USP32: variants seen among roughly 807,000 people sequenced by gnomAD.
The protein encoded by USP32 is ubiquitin carboxyl-terminal hydrolase 32.
USP32 carries 59 observed loss-of-function variants against 204.8 expected under a neutral mutation model. The ratio of observed to expected loss-of-function variants is 0.29; its 90% CI spans 0.23 to 0.36. The LOEUF is 0.36. USP32 is among the 10% of genes least tolerant of loss of function. The pLI is 1.00. For missense variants in USP32, 1,160 were observed against 1,946.4 expected, an observed-to-expected ratio of 0.60 and a Z score of 7.60; for synonymous variants, 517 against 678.4, an observed-to-expected ratio of 0.76 and a Z score of 3.70.
At chr17:60,200,198 CA>C (rs1006878151) in intron 26 of USP32, among the ~76,000 whole-genome samples, 12 of 140,148 alleles carry the variant, frequency 8.6e-5, no homozygotes, top group African/African-American at 1.0e-4. Flanking sequence ...CTGTCTCAAC[CA>C]AAAAAAAAAG....
At chr17:60,383,589 T>A (rs1396912023) in intron 1 of USP32, among the ~76,000 whole-genome samples, 1 of 152,186 alleles carries the variant, frequency 6.6e-6, no homozygotes, top group Non-Finnish European at 1.5e-5. Flanking sequence ...TACCACTTCA[T>A]ATGAGGTGAT....
intron 1 of USP32, among the ~76,000 whole-genome samples, chr17:60,355,324 T>C (rs140298337): frequency 9.9e-4 from 151 of 152,308 alleles, no homozygotes; most frequent in Non-Finnish European, 1.9e-3. Context: ...TCATAGGTGA[T>C]AGAAATGTTC....
At chr17:60,215,237 G>A (rs1048524760) in intron 16 of USP32, among the ~76,000 whole-genome samples, 7 of 152,196 alleles carry the variant, frequency 4.6e-5, no homozygotes, top group African/African-American at 1.7e-4. Context: ...TTCCCAAAGT[G>A]CTGGGATTAC....
rs201455332 is a variant in USP32, at chr17:60,279,852, T to TTAATAA, written c.572-8377_572-8372dup. Among the ~76,000 whole-genome samples the TTAATAA allele has an allele frequency of 8.4e-4, 123 of 145,638 alleles. 1 individual carries two copies. Among genetic ancestry groups the TTAATAA allele is most frequent in the African/African-American group, 2.7e-3 (110 of 40,392 alleles). On this transcript the variant is annotated intron_variant, in intron 5 of 33. Transcript: ENST00000300896. ...AGCCTGTCTCAAATAATAATAATAATTAATAATAATAATAATAATAATAAA... is the reference window on the plus strand; with the variant it reads ...AGCCTGTCTCAAATAATAATAATAATTAATAATAATAATAATAATAATAATAATAAA...
At chr17:60,214,556 T>C in intron 17 of USP32, 64 bp downstream of exon 17, 2 of 1,527,294 alleles carry the variant, frequency 1.3e-6, no homozygotes, top group Non-Finnish European at 1.8e-6. Flanking sequence ...CAAATTTCTT[T>C]TACTATTTAA....
chr17:60,330,557 T>C (rs1030157083), intron 2 of USP32, among the ~76,000 whole-genome samples: 2 of 151,234 alleles, frequency 1.3e-5, no homozygotes, highest in East Asian at 1.9e-4. Context: ...CTCTCTCTCT[T>C]TTTTTTAAAG....
chr17:60,265,892 A>C (rs1567813930), intron 8 of USP32, 84 bp downstream of exon 8: 3 of 1,079,132 alleles, frequency 2.8e-6, no homozygotes, highest in East Asian at 4.8e-5. Context: ...GTAACAAATT[A>C]TTTTATGCTT....
At chr17:60,399,005 A>G (rs879368464) in intron 1 of USP32, among the ~76,000 whole-genome samples, 3 of 151,976 alleles carry the variant, frequency 2.0e-5, no homozygotes, top group Non-Finnish European at 2.9e-5. Context: ...AAAAAGAAAA[A>G]TCTCTAGAAA....
At chr17:60,369,423 T>TAAA (rs11348474) in intron 1 of USP32, among the ~76,000 whole-genome samples, 1,180 of 85,096 alleles carry the variant, frequency 0.014, 27 homozygotes, top group African/African-American at 0.042. Flanking sequence ...GACCCCTACC[T>TAAA]AAAAAAAAAA....
At chr17:60,246,373 TA>T (rs1428572456) in intron 11 of USP32, among the ~76,000 whole-genome samples, 8 of 152,050 alleles carry the variant, frequency 5.3e-5, no homozygotes, top group African/African-American at 1.9e-4. Flanking sequence ...TATGGCTGAA[TA>T]ACATTTTATT....
At chr17:60,315,466 C>G (rs922663861) in intron 2 of USP32, among the ~76,000 whole-genome samples, 1 of 152,110 alleles carries the variant, frequency 6.6e-6, no homozygotes, top group Non-Finnish European at 1.5e-5. Flanking sequence ...AAAACCCCTG[C>G]AACATCTATA....
At chr17:60,421,432 C>T (rs1184394673) in intron 1 of USP32, 5 of 985,578 alleles carry the variant, frequency 5.1e-6, no homozygotes, top group Non-Finnish European at 6.0e-6. Flanking sequence ...AGGGGAGGCC[C>T]GGGCCGACGG....
intron 29 of USP32, among the ~76,000 whole-genome samples, chr17:60,190,279 C>T (rs951399919): frequency 6.6e-6 from 1 of 152,142 alleles, no homozygotes; most frequent in Non-Finnish European, 1.5e-5. Flanking sequence ...GGCTGCCGAA[C>T]AGTAAGCTAA....
chr17:60,241,585 A>G (rs1172470559), intron 11 of USP32, among the ~76,000 whole-genome samples: 1 of 152,148 alleles, frequency 6.6e-6, no homozygotes, highest in African/African-American at 2.4e-5. Flanking sequence ...TACCCACTAC[A>G]TAATTTTCAC....
In USP32 at chr17:60,211,462, G is replaced by A; in HGVS notation, c.2232C>T (p.Phe744=). 1 of 1,613,836 alleles carries A rather than the reference G, an allele frequency of 6.2e-7. No individual in the cohort carries two copies. Among genetic ancestry groups the A allele is most frequent in the Non-Finnish European group, 8.5e-7 (1 of 1,179,786 alleles). The stretch of plus-strand genomic sequence containing the variant: ...TAACACACTGGATGCTTGAGTTCAT[G>A]AAGCATGTGTTTCCCAGATTGCTTA... The part of the protein sequence containing the change: ...TGLSNLGNTC[F]MNSSIQCVSN... Residue 744 remains phenylalanine (F), a synonymous_variant, in exon 20 of 34, where the codon TTC becomes TTT. Transcript: ENST00000300896.
chr17:60,392,291 C>A, upstream of USP32: 1 of 365,532 alleles, frequency 2.7e-6, no homozygotes, highest in Non-Finnish European at 5.0e-6. Flanking sequence ...ACACTGTTCC[C>A]GGTAACGGCC....
intron 2 of USP32, among the ~76,000 whole-genome samples, chr17:60,327,782 C>G (rs1044112947): frequency 3.9e-5 from 6 of 152,228 alleles, no homozygotes; most frequent in Non-Finnish European, 5.9e-5. Context: ...CCTGGCCTCT[C>G]CCGACTCCCA....
At chr17:60,275,065 G>A (rs995282848) in intron 5 of USP32, among the ~76,000 whole-genome samples, 3 of 152,112 alleles carry the variant, frequency 2.0e-5, no homozygotes, top group African/African-American at 7.2e-5. Context: ...ATAAGCTTGA[G>A]GGCTGAGTTT....
chr17:60,254,827 T>TA (rs985888683), intron 10 of USP32, among the ~76,000 whole-genome samples: 13 of 152,134 alleles, frequency 8.5e-5, no homozygotes, highest in African/African-American at 2.7e-4. Flanking sequence ...TATTTTCTTT[T>TA]AAAAAAATTC....
Sources: gnomAD v4.1 joint callset for allele counts (sites outside exome capture counted in the v4.1 genomes callset) on GRCh38, gnomAD v4.1.1 for gene constraint, MANE v1.5 for transcripts, NCBI Gene and HGNC (gene_info 2026-07-23, HGNC 2026-07-21) for gene names.